MAF: variants seen among roughly 807,000 people sequenced by gnomAD.
The protein encoded by MAF is transcription factor Maf.
In MAF, 10 loss-of-function variants were observed where a neutral mutation model predicts 22.0. The observed-to-expected ratio is 0.45, with a 90% CI of 0.28 to 0.77. MAF has a LOEUF of 0.77. MAF is among the 30% of genes least tolerant of loss of function. MAF has a pLI of 0.12. For missense variants in MAF, 544 were observed against 548.4 expected, an observed-to-expected ratio of 0.99 and a Z score of 0.08; for synonymous variants, 337 against 255.8, an observed-to-expected ratio of 1.32 and a Z score of -3.03.
At chr16:79,451,833 T>C in the MAF span, among the ~76,000 whole-genome samples, 1 of 152,194 alleles carries the variant, frequency 6.6e-6, no homozygotes, top group East Asian at 1.9e-4. Flanking sequence ...TAACTAAACA[T>C]GTATCTATAA....
chr16:79,324,911 G>C, the MAF span, among the ~76,000 whole-genome samples: 1 of 152,176 alleles, frequency 6.6e-6, no homozygotes, highest in Admixed American at 6.5e-5. Flanking sequence ...GGGAGTATCT[G>C]CTCTTGCCTC....
At chr16:79,314,539 G>A in the MAF span, among the ~76,000 whole-genome samples, 1 of 152,160 alleles carries the variant, frequency 6.6e-6, no homozygotes, top group South Asian at 2.1e-4. Flanking sequence ...GGAGGGGAGA[G>A]CAGAGGAGGG....
At chr16:79,374,150 G>A in the MAF span, among the ~76,000 whole-genome samples, 132 of 152,288 alleles carry the variant, frequency 8.7e-4, no homozygotes, top group African/African-American at 3.0e-3. Context: ...TTGACCCAAA[G>A]GCAATCCCGG....
the MAF span, among the ~76,000 whole-genome samples, chr16:79,358,590 G>T: frequency 6.6e-6 from 1 of 152,310 alleles, no homozygotes; most frequent in Admixed American, 6.5e-5. Context: ...CTTGGCAGCT[G>T]CTCACAAAAT....
At chr16:79,313,331 C>T in the MAF span, among the ~76,000 whole-genome samples, 1 of 152,046 alleles carries the variant, frequency 6.6e-6, no homozygotes, top group Non-Finnish European at 1.5e-5. Flanking sequence ...CACAGGAGCA[C>T]AAGGGCTTTT....
the MAF span, among the ~76,000 whole-genome samples, chr16:79,441,405 CTGTT>C: frequency 1.3e-5 from 2 of 152,166 alleles, no homozygotes; most frequent in African/African-American, 2.4e-5. Flanking sequence ...GATAATAAAT[CTGTT>C]TGGTTTTGCA....
the MAF span, among the ~76,000 whole-genome samples, chr16:79,419,239 T>C: frequency 2.0e-5 from 3 of 152,062 alleles, no homozygotes; most frequent in Non-Finnish European, 2.9e-5. Context: ...CCCAGCAGCC[T>C]CCCATAGAGG....
the MAF span, among the ~76,000 whole-genome samples, chr16:79,457,180 T>C: frequency 0.026 from 3,998 of 152,270 alleles, 63 homozygotes; most frequent in Middle Eastern, 0.037. Flanking sequence ...CATGAAAAAA[T>C]TTCCAAATTA....
At position 79,600,081 on chromosome 16, in the gene MAF, C is replaced by A; in HGVS notation, c.-179G>T. 1 of 734,546 alleles carries A rather than the reference C, an allele frequency of 1.4e-6. No homozygotes were observed. The highest frequency in any genetic ancestry group is 2.1e-6 in the Non-Finnish European group (1 of 480,226). The allele number at this position is 734,546 out of a possible 1,614,324, so 45.5% of individuals were successfully genotyped here. A position where few individuals can be genotyped will look rare whatever the true frequency, so the allele number is the denominator to read the frequency against. On this transcript the variant is annotated 5_prime_UTR_variant, in exon 1 of 2. Coordinates refer to ENST00000326043, the MANE Select transcript of MAF (RefSeq NM_005360.5). ...GCGCGCTCACACACACACCCCCCCG[C>A]CCTGCCCGCGCCCCCCGCGCCCGCC...
At chr16:79,313,304 A>T in the MAF span, among the ~76,000 whole-genome samples, 1 of 152,150 alleles carries the variant, frequency 6.6e-6, no homozygotes. Flanking sequence ...GAAGAAAAAA[A>T]GTCCTGAAGA....
chr16:79,445,276 C>T, the MAF span, among the ~76,000 whole-genome samples: 1 of 151,900 alleles, frequency 6.6e-6, no homozygotes, highest in South Asian at 2.1e-4. Context: ...ATCTCCTGAC[C>T]TCGTGATCTG....
chr16:79,210,457 C>G, the MAF span, among the ~76,000 whole-genome samples: 64 of 152,256 alleles, frequency 4.2e-4, no homozygotes, highest in African/African-American at 1.5e-3. Flanking sequence ...AAATGATAAG[C>G]TTTGGGTCGG....
the MAF span, among the ~76,000 whole-genome samples, chr16:79,283,905 T>C: frequency 1.4e-5 from 2 of 144,280 alleles, no homozygotes; most frequent in Non-Finnish European, 3.0e-5. Context: ...GCTGGGGAGC[T>C]AATCTGCTTC....
the MAF span, among the ~76,000 whole-genome samples, chr16:79,334,549 A>G: frequency 6.6e-6 from 1 of 152,166 alleles, no homozygotes; most frequent in African/African-American, 2.4e-5. Context: ...TTAGGATTGT[A>G]TGATTAATTT....
At chr16:79,584,316 C>T (rs1258437859), downstream of MAF, among the ~76,000 whole-genome samples, 1 of 152,104 alleles carries the variant, frequency 6.6e-6, no homozygotes, top group Non-Finnish European at 1.5e-5. Context: ...CTAAGTAACT[C>T]CCCCAAGAGT....
the MAF span, among the ~76,000 whole-genome samples, chr16:79,482,894 TTCC>T: frequency 7.5e-5 from 5 of 66,794 alleles, no homozygotes; most frequent in African/African-American, 2.0e-4. Context: ...CCCTCCTTCC[TTCC>T]CTCCCTACCT....
the MAF span, among the ~76,000 whole-genome samples, chr16:79,290,340 C>A: frequency 5.3e-5 from 8 of 152,180 alleles, no homozygotes; most frequent in African/African-American, 1.7e-4. Flanking sequence ...ATCATACGGG[C>A]TCTGCGGCAA....
chr16:79,569,427 A>C, the MAF span, among the ~76,000 whole-genome samples: 1 of 152,180 alleles, frequency 6.6e-6, no homozygotes, highest in Admixed American at 6.5e-5. Flanking sequence ...TGTGGTCTTT[A>C]ACTCCTCTAT....
the MAF span, among the ~76,000 whole-genome samples, chr16:79,423,907 G>C: frequency 6.6e-6 from 1 of 152,134 alleles, no homozygotes; most frequent in African/African-American, 2.4e-5. Flanking sequence ...TCAGGTTCTC[G>C]AGTCTGGTAC....
Sources: gnomAD v4.1 joint callset for allele counts (sites outside exome capture counted in the v4.1 genomes callset) on GRCh38, gnomAD v4.1.1 for gene constraint, MANE v1.5 for transcripts, NCBI Gene and HGNC (gene_info 2026-07-23, HGNC 2026-07-21) for gene names.